Variants in PTPRN2 observed in about 807,000 individuals in gnomAD.
PTPRN2 encodes receptor-type tyrosine-protein phosphatase N2.
A neutral mutation model predicts 118.8 loss-of-function variants in PTPRN2; 74 were observed. The observed-to-expected ratio is 0.62, with a 90% CI of 0.52 to 0.76. The LOEUF is 0.76. PTPRN2 is among the 30% of genes least tolerant of loss of function. The pLI, the probability that PTPRN2 is intolerant of heterozygous loss-of-function variation, is 0.00. For synonymous variants in PTPRN2, 641 were observed against 608.0 expected, an observed-to-expected ratio of 1.05 and a Z score of -0.80; for missense variants, 1,481 against 1,394.4, an observed-to-expected ratio of 1.06 and a Z score of -0.99.
At chr7:157,730,296 CCAGA>C (rs563199988) in intron 12 of PTPRN2, among the ~76,000 whole-genome samples, 1 of 152,336 alleles carries the variant, frequency 6.6e-6, no homozygotes, top group African/African-American at 2.4e-5. Context: ...GTCTTCTACG[CCAGA>C]CAAAGTAAAC....
At chr7:158,220,003 G>A (rs956512160) in intron 3 of PTPRN2, among the ~76,000 whole-genome samples, 9 of 151,892 alleles carry the variant, frequency 5.9e-5, no homozygotes, top group Non-Finnish European at 1.3e-4. Context: ...CCAAAAAGTA[G>A]GAACTCCTCC....
chr7:158,147,218 CAATG>C (rs1395694923), intron 6 of PTPRN2, among the ~76,000 whole-genome samples: 1 of 62,036 alleles, frequency 1.6e-5, no homozygotes, highest in Non-Finnish European at 3.7e-5. Context: ...CTTTCCCCCT[CAATG>C]ACACCCCATC....
intron 4 of PTPRN2, among the ~76,000 whole-genome samples, chr7:158,199,736 C>A (rs1248271338): frequency 6.6e-6 from 1 of 152,156 alleles, no homozygotes; most frequent in Non-Finnish European, 1.5e-5. Flanking sequence ...TTGGGCAGAT[C>A]ACGCATTCTG....
At chr7:158,024,040 A>G (rs1440478941) in intron 11 of PTPRN2, among the ~76,000 whole-genome samples, 1 of 152,210 alleles carries the variant, frequency 6.6e-6, no homozygotes, top group African/African-American at 2.4e-5. Flanking sequence ...ACTGGTATCT[A>G]TCAGCAGTTT....
chr7:158,460,952 C>T (rs1168821857), intron 2 of PTPRN2, among the ~76,000 whole-genome samples: 6 of 152,184 alleles, frequency 3.9e-5, no homozygotes, highest in Admixed American at 3.9e-4. Context: ...GTCAGCTGAT[C>T]CACATAAAGT....
At chr7:158,498,243 G>GCGC (rs1822098618) in intron 1 of PTPRN2, among the ~76,000 whole-genome samples, 3 of 152,202 alleles carry the variant, frequency 2.0e-5, no homozygotes, top group Admixed American at 1.3e-4. Flanking sequence ...AAGAAGGGCA[G>GCGC]CGAGCTGGGT....
rs991582069 is a variant in PTPRN2 at position 158,438,067 on chromosome 7, C to T, written c.163+51668G>A. ...AGGGAGTGGGCTCCCTAACAGTGCC[C>T]CTCCGATGGGTCTTTTTTAAGTTTT... On this transcript the variant is annotated intron_variant, in intron 2 of 22. Transcript: ENST00000389418. This position sits in a 1 kb window ranked among gnomAD's most constrained non-coding sequence, Gnocchi z 4.7. Among the ~76,000 whole-genome samples, 3 of 152,156 alleles carry T rather than the reference C, an allele frequency of 2.0e-5. No homozygotes were observed. The highest frequency in any genetic ancestry group is 2.1e-4 in the South Asian group (1 of 4,824).
At chr7:158,231,883 A>G (rs1829184004) in intron 3 of PTPRN2, among the ~76,000 whole-genome samples, 2 of 152,370 alleles carry the variant, frequency 1.3e-5, no homozygotes, top group South Asian at 4.1e-4. Context: ...GAGTCAATGA[A>G]GAAGTTAAGA....
intron 14 of PTPRN2, among the ~76,000 whole-genome samples, chr7:157,636,501 TCA>T (rs1481182259): frequency 1.2e-4 from 19 of 152,364 alleles, no homozygotes; most frequent in Middle Eastern, 3.4e-3. Context: ...AAAAATTAAT[TCA>T]GTCTTATAAT....
chr7:158,527,262 C>A (rs1824855009), intron 1 of PTPRN2, among the ~76,000 whole-genome samples: 1 of 152,114 alleles, frequency 6.6e-6, no homozygotes, highest in African/African-American at 2.4e-5. Context: ...GGCCTCCTCC[C>A]CACAAGGCGC....
At chr7:158,355,963 C>T (rs1413768795) in intron 2 of PTPRN2, among the ~76,000 whole-genome samples, 1 of 152,184 alleles carries the variant, frequency 6.6e-6, no homozygotes, top group African/African-American at 2.4e-5. Context: ...CGCCACCACC[C>T]AGCCTAGCAG....
chr7:158,112,094 CACACCTGGGT>C (rs746654122), intron 9 of PTPRN2, among the ~76,000 whole-genome samples: 70 of 152,312 alleles, frequency 4.6e-4, no homozygotes, highest in Non-Finnish European at 9.1e-4. Context: ...CAGCCCTGCC[CACACCTGGGT>C]CTTGGACTTC....
At chr7:158,474,140 G>T (rs914370431) in intron 2 of PTPRN2, among the ~76,000 whole-genome samples, 2 of 152,162 alleles carry the variant, frequency 1.3e-5, no homozygotes, top group Non-Finnish European at 2.9e-5. Flanking sequence ...GCCCCACTGT[G>T]TCCCCTCACA....
intron 9 of PTPRN2, among the ~76,000 whole-genome samples, chr7:158,132,882 C>T (rs1818486990): frequency 6.6e-6 from 1 of 152,172 alleles, no homozygotes; most frequent in South Asian, 2.1e-4. Flanking sequence ...TATACACACA[C>T]ATACAAACGT....
chr7:158,240,108 C>A (rs552918144), intron 3 of PTPRN2, among the ~76,000 whole-genome samples: 2 of 152,260 alleles, frequency 1.3e-5, no homozygotes, highest in South Asian at 4.1e-4. Flanking sequence ...GGCTTATGTG[C>A]ATTATTTGAT....
intron 6 of PTPRN2, among the ~76,000 whole-genome samples, chr7:158,141,173 T>A (rs1164245924): frequency 6.6e-6 from 1 of 152,206 alleles, no homozygotes; most frequent in Admixed American, 6.5e-5. Context: ...TAGAGGGATC[T>A]CGGCACAATC....
rs555858497 is a variant in PTPRN2, at chr7:158,226,574, C to T, written c.278-21301G>A. On this transcript the variant is annotated intron_variant, in intron 3 of 22. Coordinates refer to ENST00000389418, the MANE Select transcript of PTPRN2 (RefSeq NM_002847.5). ...GTGGTGGCAGCGTGCATGGTGGTCCCGGCTTGCATGCAACACGTCAACACT... is the reference window on the plus strand; with the variant it reads ...GTGGTGGCAGCGTGCATGGTGGTCCTGGCTTGCATGCAACACGTCAACACT... Among the ~76,000 whole-genome samples, 79 of 152,046 alleles carry T rather than the reference C, an allele frequency of 5.2e-4. 1 individual carries two copies. Among genetic ancestry groups the T allele is most frequent in the South Asian group, 2.1e-4 (1 of 4,808 alleles).
rs150402177 is a variant in PTPRN2, at chr7:158,168,706, G to A, written c.550-1415C>T. Among the ~76,000 whole-genome samples the A allele has an allele frequency of 4.1e-3, 620 of 152,272 alleles. 2 individuals are homozygous for A. Among genetic ancestry groups the A allele is most frequent in the African/African-American group, 0.014 (578 of 41,546 alleles). ...TTACTAGTCAATGCCCTGGCTAACA[G>A]TCTTTCATGGGATTTCTGTCTATAT... On this transcript the variant is annotated intron_variant, in intron 5 of 22. Transcript: ENST00000389418.
At chr7:157,834,404 TCCACCCACC>T (rs1807795639) in intron 12 of PTPRN2, among the ~76,000 whole-genome samples, 9 of 60,594 alleles carry the variant, frequency 1.5e-4, no homozygotes, top group East Asian at 6.4e-4. Flanking sequence ...ATCCATCAAT[TCCACCCACC>T]AATCAGTGAG....
Sources: allele counts gnomAD v4.1 joint callset (sites outside exome capture counted in the v4.1 genomes callset), GRCh38; gene constraint gnomAD v4.1.1; non-coding constraint Gnocchi (gnomAD v3.1); transcripts MANE v1.5; gene names NCBI Gene and HGNC (gene_info 2026-07-23, HGNC 2026-07-21).